The following NELL1 variants were observed in gnomAD, a reference collection of about 807,000 sequenced individuals.
NELL1 encodes neural EGFL like 1.
A neutral mutation model predicts 107.4 loss-of-function variants in NELL1; 76 were observed. The ratio of observed to expected loss-of-function variants is 0.71; its 90% CI spans 0.59 to 0.86. The LOEUF is 0.86. Among genes scored for constraint, NELL1 ranks in the 40% least tolerant of loss-of-function variants. The pLI is 0.00. For synonymous variants in NELL1, 353 were observed against 341.2 expected (o/e 1.03, Z -0.38); for missense variants, 1,024 against 1,005.5 (o/e 1.02, Z -0.25).
chr11:21,414,541 G>A (rs1280024824), intron 15 of NELL1, among the ~76,000 whole-genome samples: 3 of 148,586 alleles, frequency 2.0e-5, no homozygotes, highest in East Asian at 4.0e-4. Context: ...CTCTCCCTCC[G>A]GTGTACTACC....
intron 2 of NELL1, among the ~76,000 whole-genome samples, chr11:20,725,376 A>G (rs1564881245): frequency 6.6e-6 from 1 of 152,160 alleles, no homozygotes; most frequent in Non-Finnish European, 1.5e-5. Flanking sequence ...GATGGCATGA[A>G]AGTAGGTGAG....
At chr11:21,352,289 A>G (rs1260831334) in intron 14 of NELL1, among the ~76,000 whole-genome samples, 1 of 151,872 alleles carries the variant, frequency 6.6e-6, no homozygotes, top group Non-Finnish European at 1.5e-5. Context: ...TTTAGTTTAT[A>G]TTTTTCTCCA....
chr11:21,284,257 G>C (rs773732594), intron 14 of NELL1: 1 of 456,806 alleles, frequency 2.2e-6, no homozygotes, highest in Non-Finnish European at 4.4e-6. Flanking sequence ...TGGAGACCTG[G>C]CACAAAGATG....
intron 3 of NELL1, among the ~76,000 whole-genome samples, chr11:20,792,199 A>T (rs1857088893): frequency 6.6e-6 from 1 of 151,816 alleles, no homozygotes; most frequent in African/African-American, 2.4e-5. Flanking sequence ...CCAAACATTA[A>T]TTTTTTTTAG....
At chr11:21,341,548 T>C (rs988721221) in intron 14 of NELL1, among the ~76,000 whole-genome samples, 60 of 152,148 alleles carry the variant, frequency 3.9e-4, no homozygotes, top group African/African-American at 1.3e-3. Context: ...ATGTGATGAA[T>C]TATATTAATC....
intron 3 of NELL1, among the ~76,000 whole-genome samples, chr11:20,812,405 G>T (rs1421719836): frequency 6.6e-6 from 1 of 152,084 alleles, no homozygotes; most frequent in African/African-American, 2.4e-5. Context: ...TTATGTTATT[G>T]TTTTTGCTTT....
chr11:21,281,467 G>A lies in NELL1; in HGVS notation c.1549+52013G>A, dbSNP rs571174008. Among the ~76,000 whole-genome samples the A allele has an allele frequency of 2.6e-5, 4 of 152,248 alleles. No individual in the cohort carries two copies. The South Asian group carries it at 8.3e-4, about 32-fold the overall frequency. ...GGATGGCACCTCTGTACCCAACCAGGGCCTGGAGGAACTTGCTTCCCTGAA... is the reference window on the plus strand; with the variant it reads ...GGATGGCACCTCTGTACCCAACCAGAGCCTGGAGGAACTTGCTTCCCTGAA... On this transcript the variant is annotated intron_variant, in intron 14 of 19. Coordinates refer to ENST00000357134, the MANE Select transcript of NELL1 (RefSeq NM_006157.5).
chr11:21,479,767 T>C (rs956170837), intron 15 of NELL1, among the ~76,000 whole-genome samples: 1 of 152,174 alleles, frequency 6.6e-6, no homozygotes, highest in Non-Finnish European at 1.5e-5. Flanking sequence ...TTATTACACA[T>C]CGTATGTCTG....
At chr11:21,354,698 A>G (rs990329223) in intron 14 of NELL1, among the ~76,000 whole-genome samples, 1 of 152,186 alleles carries the variant, frequency 6.6e-6, no homozygotes, top group Non-Finnish European at 1.5e-5. Context: ...GAAACAAAGA[A>G]GCTCTCTTGA....
intron 16 of NELL1, among the ~76,000 whole-genome samples, chr11:21,535,671 A>G (rs1008397628): frequency 2.0e-5 from 3 of 152,132 alleles, no homozygotes; most frequent in Admixed American, 6.6e-5. Flanking sequence ...CCATGGGTAC[A>G]TTTTTATCCA....
At chr11:21,235,646 C>G (rs746751487) in intron 14 of NELL1, among the ~76,000 whole-genome samples, 15 of 151,950 alleles carry the variant, frequency 9.9e-5, no homozygotes, top group Non-Finnish European at 2.1e-4. Context: ...GATGATTTGA[C>G]CATAAATCAT....
intron 13 of NELL1, among the ~76,000 whole-genome samples, chr11:21,116,096 T>C (rs1855229283): frequency 6.6e-6 from 1 of 152,050 alleles, no homozygotes; most frequent in Non-Finnish European, 1.5e-5. Flanking sequence ...ATACTCACCA[T>C]TCTGCAGAGG....
At chr11:20,694,164 G>A (rs1021266874) in intron 2 of NELL1, among the ~76,000 whole-genome samples, 4 of 151,952 alleles carry the variant, frequency 2.6e-5, no homozygotes, top group Admixed American at 2.6e-4. Context: ...CTCTGTATTG[G>A]TTATTCTAGT....
At chr11:20,924,303 C>A (rs1001201925) in intron 7 of NELL1, among the ~76,000 whole-genome samples, 4 of 152,144 alleles carry the variant, frequency 2.6e-5, no homozygotes, top group African/African-American at 9.7e-5. Flanking sequence ...GAAAAATTAG[C>A]TTTTTGCCTT....
chr11:21,469,596 T>C (rs1301182273), intron 15 of NELL1, among the ~76,000 whole-genome samples: 1 of 152,128 alleles, frequency 6.6e-6, no homozygotes, highest in Admixed American at 6.6e-5. Flanking sequence ...CACTTGCATT[T>C]AATTAAACTC....
chr11:20,841,606 T>C (rs1848624405), intron 3 of NELL1, among the ~76,000 whole-genome samples: 1 of 152,138 alleles, frequency 6.6e-6, no homozygotes, highest in African/African-American at 2.4e-5. Context: ...ACTTTAAAAA[T>C]TATTTAGTTC....
At chr11:21,062,669 C>T (rs947426987) in intron 12 of NELL1, among the ~76,000 whole-genome samples, 6 of 152,160 alleles carry the variant, frequency 3.9e-5, no homozygotes, top group Non-Finnish European at 5.9e-5. Flanking sequence ...GCACATTCCA[C>T]GGCAAGACTG....
intron 14 of NELL1, among the ~76,000 whole-genome samples, chr11:21,273,230 C>G (rs1365728059): frequency 6.6e-6 from 1 of 152,088 alleles, no homozygotes; most frequent in Non-Finnish European, 1.5e-5. Flanking sequence ...AGCTGAAAAC[C>G]AAGGCATGCG....
chr11:20,799,421 C>T (rs1857237608), intron 3 of NELL1, among the ~76,000 whole-genome samples: 1 of 152,148 alleles, frequency 6.6e-6, no homozygotes, highest in African/African-American at 2.4e-5. Flanking sequence ...GGAAGTCTAC[C>T]CATCCATCCA....
Sources: allele counts gnomAD v4.1 joint callset (sites outside exome capture counted in the v4.1 genomes callset), GRCh38; gene constraint gnomAD v4.1.1; transcripts MANE v1.5; gene names NCBI Gene and HGNC (gene_info 2026-07-23, HGNC 2026-07-21).